The following POMGNT2 variants were observed in gnomAD, a reference collection of about 807,000 sequenced individuals.
POMGNT2 encodes protein O-linked mannose N-acetylglucosaminyltransferase 2 (beta 1,4-), also known as protein O-linked-mannose beta-1,4-N-acetylglucosaminyltransferase 2.
A neutral mutation model predicts 37.8 loss-of-function variants in POMGNT2; 32 were observed. That is an observed-to-expected ratio of 0.85 (90% CI 0.64 to 1.14). The LOEUF (loss-of-function observed/expected upper bound fraction) is 1.14. Ranked by LOEUF, POMGNT2 falls within the 50% of genes most tolerant of loss-of-function variation. The pLI is 0.00. For missense variants in POMGNT2, 705 were observed against 780.6 expected (o/e 0.90, Z 1.15); for synonymous variants, 340 against 336.8 (o/e 1.01, Z -0.10).
intron 1 of POMGNT2, among the ~76,000 whole-genome samples, chr3:43,089,589 G>A (rs2089926304): frequency 6.6e-6 from 1 of 152,116 alleles, no homozygotes; most frequent in Non-Finnish European, 1.5e-5. Context: ...CCCAAGCTCA[G>A]AGTCTCCCCA....
At chr3:43,105,222 C>T (rs1342519324) in intron 1 of POMGNT2, among the ~76,000 whole-genome samples, 1 of 152,224 alleles carries the variant, frequency 6.6e-6, no homozygotes, top group African/African-American at 2.4e-5. Flanking sequence ...TTCCTAAACA[C>T]ACACATGGAG....
chr3:43,085,216 C>T (rs565036552), intron 1 of POMGNT2, among the ~76,000 whole-genome samples: 48 of 152,268 alleles, frequency 3.2e-4, no homozygotes, highest in Admixed American at 8.5e-4. Flanking sequence ...ACGTATGTTA[C>T]TACTAGGCGG....
Position 43,083,473 on chromosome 3 carries a change from G to C in POMGNT2, c.-105-1937C>G, listed in dbSNP as rs1298260792. On this transcript the variant is annotated intron_variant, in intron 1 of 1. Transcript: ENST00000344697. ...TATGGCTCAGGCATCTGCATTATTT[G>C]TTTCTTTTATTTCCTGCCTTCTTGT... Among the ~76,000 whole-genome samples, 4 of 152,224 alleles carry C rather than the reference G, an allele frequency of 2.6e-5. No homozygotes were observed. The East Asian group carries it at 5.8e-4, about 22-fold the overall frequency.
intron 1 of POMGNT2, among the ~76,000 whole-genome samples, chr3:43,104,516 C>T (rs577953706): frequency 6.6e-6 from 1 of 152,336 alleles, no homozygotes; most frequent in East Asian, 1.9e-4. Context: ...CTCCACTCTC[C>T]TTCTCGTTCT....
Position 43,080,442 on chromosome 3 carries a change from A to T in POMGNT2, c.990T>A (p.Asp330Glu), listed in dbSNP as rs774967692. The T allele has an allele frequency of 1.2e-6, 2 of 1,614,180 alleles. No individual in the cohort carries two copies. Among genetic ancestry groups the T allele is most frequent in the Non-Finnish European group, 1.7e-6 (2 of 1,180,030 alleles). ...AGGCATTGCTGACCAGCCGCACGAC[A>T]TCAGCAAAGGTGTGGTCCTCCAGGG... ...TVSLEDHTFADVVRLVSNASM... is the reference protein window; with the variant it reads ...TVSLEDHTFAEVVRLVSNASM... Residue 330 changes from aspartate to glutamate, a missense_variant, in exon 2 of 2, where the codon GAT (aspartate) becomes GAA (glutamate). Asp to Glu is a conservative substitution (Grantham distance 45). Transcript: ENST00000344697.
At position 43,080,442 on chromosome 3, in the gene POMGNT2, A is replaced by G; in HGVS notation, c.990T>C (p.Asp330=). 1.9e-6 allele frequency: 3 copies of G among 1,614,180 alleles called. No homozygotes were observed. The highest frequency in any genetic ancestry group is 1.7e-6 in the Non-Finnish European group (2 of 1,180,030). The change falls in exon 2 of 2, where the codon GAT becomes GAC. Residue 330 remains aspartate (D), a synonymous_variant. Transcript: ENST00000344697. ...TVSLEDHTFA[D]VVRLVSNASM... is the part of the protein sequence containing the mutation. ...AGGCATTGCTGACCAGCCGCACGACATCAGCAAAGGTGTGGTCCTCCAGGG... is the reference window on the plus strand; with the variant it reads ...AGGCATTGCTGACCAGCCGCACGACGTCAGCAAAGGTGTGGTCCTCCAGGG...
At chr3:43,101,080 G>A (rs776726502) in intron 1 of POMGNT2, among the ~76,000 whole-genome samples, 2 of 152,204 alleles carry the variant, frequency 1.3e-5, no homozygotes, top group African/African-American at 2.4e-5. Context: ...CTGCACAAGA[G>A]TGAGGCTGCT....
intron 1 of POMGNT2, among the ~76,000 whole-genome samples, chr3:43,092,390 T>C (rs72872317): frequency 0.019 from 2,856 of 152,278 alleles, 43 homozygotes; most frequent in East Asian, 0.055. Flanking sequence ...CTCAAATTCC[T>C]GGGCTCAGGC....
chr3:43,092,350 T>A (rs1325808622), intron 1 of POMGNT2, among the ~76,000 whole-genome samples: 2 of 152,190 alleles, frequency 1.3e-5, no homozygotes, highest in Admixed American at 6.5e-5. Context: ...CAGGCTACAG[T>A]ACAGTGGCAT....
At chr3:43,090,700 G>A (rs1463538371) in intron 1 of POMGNT2, 1 of 152,188 alleles carries the variant, frequency 6.6e-6, no homozygotes, top group Non-Finnish European at 1.5e-5. Context: ...GGGACAAAAG[G>A]TTTAAAAAGA....
rs116494202 is a variant in POMGNT2, at chr3:43,101,047, G to A, written c.-106+4789C>T. 2.3e-3 allele frequency among the ~76,000 whole-genome samples: 350 copies of A among 152,304 alleles called. 1 individual carries two copies. The highest frequency in any genetic ancestry group is 0.01 in the Middle Eastern group (3 of 294). ...GGAGAAAAGAAGCCCCTGCACCCATGGTGTCTTCAAATACCTGAGTTGCTG... is the reference window on the plus strand; with the variant it reads ...GGAGAAAAGAAGCCCCTGCACCCATAGTGTCTTCAAATACCTGAGTTGCTG... On this transcript the variant is annotated intron_variant, in intron 1 of 1. Transcript: ENST00000344697.
chr3:43,085,470 C>A (rs1236862746), intron 1 of POMGNT2, among the ~76,000 whole-genome samples: 2 of 138,680 alleles, frequency 1.4e-5, no homozygotes, highest in Non-Finnish European at 2.9e-5. Flanking sequence ...CTCACTAGAT[C>A]TGATAGTTTT....
At chr3:43,089,455 T>C (rs1478831720) in intron 1 of POMGNT2, among the ~76,000 whole-genome samples, 1 of 152,114 alleles carries the variant, frequency 6.6e-6, no homozygotes, top group African/African-American at 2.4e-5. Context: ...CAGCTGAGGG[T>C]GTGATGCCAG....
At chr3:43,094,005 T>C (rs1307556917) in intron 1 of POMGNT2, among the ~76,000 whole-genome samples, 2 of 152,142 alleles carry the variant, frequency 1.3e-5, no homozygotes, top group Non-Finnish European at 2.9e-5. Context: ...TATGGAGACA[T>C]GGAAAGCCAC....
chr3:43,096,597 C>G (rs552093881), intron 1 of POMGNT2, among the ~76,000 whole-genome samples: 4 of 152,132 alleles, frequency 2.6e-5, no homozygotes, highest in Non-Finnish European at 5.9e-5. Flanking sequence ...TGGACCTCAC[C>G]TTCTTGGCAT....
rs1166092441 is a variant in POMGNT2, at chr3:43,080,697, A to C, written c.735T>G (p.Tyr245Ter). Residue 245 changes from tyrosine to a stop codon, truncating the protein, a stop_gained, in exon 2 of 2, where the codon TAT becomes TAG. Transcript: ENST00000344697. LOFTEE classifies it high-confidence loss of function. The stretch of plus-strand genomic sequence containing the variant: ...TCGGGCCCTGGGGCTGCACAAAGCC[A>C]TACTGGTACCAGGTAGTGATCTTGG... ...GLSKITTWYQ[Y>*]GFVQPQGPKA... 1 of 1,614,044 alleles carries C rather than the reference A, an allele frequency of 6.2e-7. No individual in the cohort carries two copies. The highest frequency in any genetic ancestry group is 2.2e-5 in the East Asian group (1 of 44,882).
At chr3:43,089,090 C>A (rs1277390382) in intron 1 of POMGNT2, among the ~76,000 whole-genome samples, 1 of 152,194 alleles carries the variant, frequency 6.6e-6, no homozygotes, top group African/African-American at 2.4e-5. Flanking sequence ...CCCTAAGAAA[C>A]CTTTTCATGA....
chr3:43,096,355 C>A (rs184711641), intron 1 of POMGNT2, among the ~76,000 whole-genome samples: 2 of 152,352 alleles, frequency 1.3e-5, no homozygotes, highest in East Asian at 3.9e-4. Context: ...CAGCCTCTAA[C>A]ACTTTATGTT....
chr3:43,086,173 T>C (rs1559416658), intron 1 of POMGNT2, among the ~76,000 whole-genome samples: 1 of 152,228 alleles, frequency 6.6e-6, no homozygotes, highest in Non-Finnish European at 1.5e-5. Flanking sequence ...GAAAACCAAG[T>C]AGCTCTTAAC....
Sources: allele counts gnomAD v4.1 joint callset (sites outside exome capture counted in the v4.1 genomes callset), GRCh38; gene constraint gnomAD v4.1.1; transcripts MANE v1.5; gene names NCBI Gene and HGNC (gene_info 2026-07-23, HGNC 2026-07-21).